ELP4: variants seen among roughly 807,000 people sequenced by gnomAD.
ELP4 encodes the protein elongator complex protein 4.
ELP4 carries 51 observed loss-of-function variants against 48.9 expected under a neutral mutation model. The observed-to-expected ratio is 1.04, with a 90% CI of 0.83 to 1.32. ELP4 has a LOEUF of 1.32. Ranked by LOEUF, ELP4 falls within the 40% of genes most tolerant of loss-of-function variation. The pLI, the probability that ELP4 is intolerant of heterozygous loss-of-function variation, is 0.00. For missense variants in ELP4, 519 were observed against 514.6 expected (o/e 1.01, Z -0.08); for synonymous variants, 210 against 189.2 (o/e 1.11, Z -0.90).
intron 9 of ELP4, among the ~76,000 whole-genome samples, chr11:31,771,931 A>C (rs11031476): frequency 6.6e-6 from 1 of 151,810 alleles, no homozygotes; most frequent in South Asian, 2.1e-4. Context: ...GCAGTGAGCC[A>C]AGATTGTGCC....
At chr11:31,774,242 G>A (rs1003425446) in intron 9 of ELP4, among the ~76,000 whole-genome samples, 1 of 152,202 alleles carries the variant, frequency 6.6e-6, no homozygotes, top group Non-Finnish European at 1.5e-5. Flanking sequence ...CGTCTTATCA[G>A]TAGCTGCCTT....
intron 3 of ELP4, among the ~76,000 whole-genome samples, chr11:31,549,440 T>C (rs1359395477): frequency 6.6e-6 from 1 of 151,972 alleles, no homozygotes; most frequent in African/African-American, 2.4e-5. Context: ...CAATGAGATA[T>C]CATCTCACAC....
At chr11:31,713,842 C>G (rs2134175345) in intron 9 of ELP4, among the ~76,000 whole-genome samples, 1 of 152,052 alleles carries the variant, frequency 6.6e-6, no homozygotes, top group East Asian at 1.9e-4. Flanking sequence ...TTCTTCTCTC[C>G]TCAAGGGGAG....
chr11:31,790,285 G>A lies in ELP4; in HGVS notation c.*6761G>A. On this transcript the variant is annotated 3_prime_UTR_variant, in exon 10 of 10. Transcript: ENST00000640961. ...GAAAAAAAAAATCCTCTGTTTGTTT[G>A]CATGTTTGGAACTTTTACAATAAAG... 1.8e-6 allele frequency: 1 copy of A among 564,076 alleles called. No homozygotes were observed. 34.9% of individuals were successfully genotyped at this position (564,076 alleles called of 1,614,324 possible). A position where few individuals can be genotyped will look rare whatever the true frequency, so the allele number is the denominator to read the frequency against.
intron 7 of ELP4, among the ~76,000 whole-genome samples, chr11:31,641,091 C>T (rs2134059972): frequency 6.6e-6 from 1 of 151,968 alleles, no homozygotes; most frequent in Non-Finnish European, 1.5e-5. Context: ...AATAATTTTT[C>T]TGTAAAATTT....
chr11:31,670,914 G>A (rs1945793454), intron 9 of ELP4, among the ~76,000 whole-genome samples: 1 of 151,562 alleles, frequency 6.6e-6, no homozygotes, highest in Admixed American at 6.6e-5. Context: ...TATTTTAGTT[G>A]GAGATTTATT....
At chr11:31,565,497 A>C (rs1592121675) in intron 3 of ELP4, among the ~76,000 whole-genome samples, 2 of 147,826 alleles carry the variant, frequency 1.4e-5, no homozygotes, top group East Asian at 3.9e-4. Context: ...TAGGGTTTTT[A>C]TGGTTTTCGG....
At chr11:31,572,046 T>C (rs1042486969) in intron 3 of ELP4, among the ~76,000 whole-genome samples, 2 of 152,204 alleles carry the variant, frequency 1.3e-5, no homozygotes, top group Non-Finnish European at 2.9e-5. Context: ...TTTGAAGCTT[T>C]GGAGCTAGGC....
chr11:31,740,875 A>G (rs1359085170), intron 9 of ELP4, among the ~76,000 whole-genome samples: 1 of 152,204 alleles, frequency 6.6e-6, no homozygotes, highest in African/African-American at 2.4e-5. Flanking sequence ...CTCACTGGGG[A>G]GTGCCAGACA....
At chr11:31,770,197 C>T (rs1592295880) in intron 9 of ELP4, among the ~76,000 whole-genome samples, 1 of 152,142 alleles carries the variant, frequency 6.6e-6, no homozygotes, top group Admixed American at 6.5e-5. Flanking sequence ...CAGAGCCACA[C>T]AAGCCATGGG....
chr11:31,523,811 G>T (rs1281403576), intron 2 of ELP4, among the ~76,000 whole-genome samples: 1 of 151,934 alleles, frequency 6.6e-6, no homozygotes. Context: ...ACTGGAATAG[G>T]CTTTGAGATG....
chr11:31,540,727 GATA>G (rs1285471558), intron 3 of ELP4, among the ~76,000 whole-genome samples: 1 of 152,152 alleles, frequency 6.6e-6, no homozygotes, highest in Non-Finnish European at 1.5e-5. Context: ...ACACAGTCAT[GATA>G]ATAAGAGAAT....
At chr11:31,533,578 C>A (rs527749360) in intron 2 of ELP4, among the ~76,000 whole-genome samples, 3 of 150,594 alleles carry the variant, frequency 2.0e-5, no homozygotes, top group Non-Finnish European at 4.4e-5. Context: ...TTAGTAGAGA[C>A]GGGGTTTCAC....
chr11:31,575,547 C>T (rs529561600), intron 3 of ELP4, among the ~76,000 whole-genome samples: 5 of 152,302 alleles, frequency 3.3e-5, no homozygotes, highest in East Asian at 3.9e-4. Flanking sequence ...AGAGAAAGGT[C>T]GGGTTACCCA....
intron 3 of ELP4, among the ~76,000 whole-genome samples, chr11:31,578,156 C>A (rs181074656): frequency 2.2e-4 from 34 of 151,466 alleles, no homozygotes; most frequent in African/African-American, 7.7e-4. Context: ...CATTAACAGA[C>A]AGAGAGCCAA....
At chr11:31,629,141 T>C (rs1385220127) in intron 6 of ELP4, among the ~76,000 whole-genome samples, 1 of 151,966 alleles carries the variant, frequency 6.6e-6, no homozygotes, top group Non-Finnish European at 1.5e-5. Flanking sequence ...CATTTACAAA[T>C]TGCGGTCATA....
intron 3 of ELP4, among the ~76,000 whole-genome samples, chr11:31,590,639 ATC>A (rs1363471128): frequency 1.3e-5 from 2 of 152,318 alleles, no homozygotes; most frequent in South Asian, 4.1e-4. Flanking sequence ...TGGCTCACAG[ATC>A]TGCAAGCTGT....
At chr11:31,767,461 C>T (rs1258083325) in intron 9 of ELP4, 1 of 151,124 alleles carries the variant, frequency 6.6e-6, no homozygotes, top group Non-Finnish European at 1.5e-5. Context: ...AAGCAAATTA[C>T]TTTTTAAAGA....
chr11:31,704,389 A>G (rs1257366619), intron 9 of ELP4, among the ~76,000 whole-genome samples: 4 of 152,198 alleles, frequency 2.6e-5, no homozygotes, highest in African/African-American at 9.6e-5. Context: ...TCGCAAGAAC[A>G]AAAAACCATA....
Sources: allele counts gnomAD v4.1 joint callset (sites outside exome capture counted in the v4.1 genomes callset), GRCh38; gene constraint gnomAD v4.1.1; transcripts MANE v1.5; gene names NCBI Gene and HGNC (gene_info 2026-07-23, HGNC 2026-07-21).